The following ATP8A1 variants were observed in gnomAD, a reference collection of about 807,000 sequenced individuals.
ATP8A1 encodes phospholipid-transporting ATPase IA.
In ATP8A1, 90 loss-of-function variants were observed where a neutral mutation model predicts 177.7. The ratio of observed to expected loss-of-function variants is 0.51; its 90% CI spans 0.43 to 0.60. The LOEUF is 0.60. Among genes scored for constraint, ATP8A1 ranks in the 20% least tolerant of loss-of-function variants. The pLI, the probability that ATP8A1 is intolerant of heterozygous loss-of-function variation, is 0.00. For synonymous variants in ATP8A1, 493 were observed against 485.9 expected (o/e 1.01, Z -0.19); for missense variants, 1,072 against 1,392.8 (o/e 0.77, Z 3.67).
At chr4:42,518,356 T>C (rs1213329281) in intron 22 of ATP8A1, among the ~76,000 whole-genome samples, 2 of 152,180 alleles carry the variant, frequency 1.3e-5, no homozygotes, top group African/African-American at 2.4e-5. Flanking sequence ...ACGGGCACAA[T>C]GATGTACTGA....
Position 42,505,017 on chromosome 4 carries a change from C to T in ATP8A1, c.2087-1503G>A, listed in dbSNP as rs78785864. Among the ~76,000 whole-genome samples the T allele has an allele frequency of 2.3e-3, 347 of 152,340 alleles. 3 individuals carry two copies. The highest frequency in any genetic ancestry group is 7.9e-3 in the African/African-American group (330 of 41,572). On this transcript the variant is annotated intron_variant, in intron 23 of 36. Transcript: ENST00000381668. ...TCTCAATAAGTTCTTCCTGACTGTG[C>T]TATTTAAAACTGAATCCCTCTGTGC...
chr4:42,606,661 T>C (rs1032989110), intron 5 of ATP8A1, among the ~76,000 whole-genome samples: 6 of 152,208 alleles, frequency 3.9e-5, no homozygotes, highest in Non-Finnish European at 8.8e-5. Flanking sequence ...TTGCCCTGTG[T>C]GAGACAACTC....
intron 20 of ATP8A1, among the ~76,000 whole-genome samples, chr4:42,525,198 G>A (rs1171917282): frequency 5.9e-5 from 9 of 152,234 alleles, no homozygotes; most frequent in Middle Eastern, 6.8e-3. Context: ...AAGGAAGAAC[G>A]GTCCAGAACT....
At chr4:42,575,913 C>T (rs1415603227) in intron 12 of ATP8A1, among the ~76,000 whole-genome samples, 2 of 152,122 alleles carry the variant, frequency 1.3e-5, no homozygotes, top group Non-Finnish European at 2.9e-5. Flanking sequence ...AAGGGCAGAA[C>T]AGTATGGTAG....
chr4:42,458,433 G>T (rs969258518), intron 27 of ATP8A1, among the ~76,000 whole-genome samples: 1 of 152,142 alleles, frequency 6.6e-6, no homozygotes, highest in Non-Finnish European at 1.5e-5. Context: ...ACTTGGATGT[G>T]ACCAATCATT....
intron 35 of ATP8A1, among the ~76,000 whole-genome samples, chr4:42,416,174 C>CT (rs1713220195): frequency 6.6e-6 from 1 of 152,150 alleles, no homozygotes; most frequent in Admixed American, 6.5e-5. Flanking sequence ...CCCATGGACC[C>CT]TGAGGGACAC....
chr4:42,463,332 T>C (rs990484678), intron 27 of ATP8A1, among the ~76,000 whole-genome samples: 6 of 152,162 alleles, frequency 3.9e-5, no homozygotes, highest in Non-Finnish European at 5.9e-5. Context: ...TGATAGTGAA[T>C]AACCATCTTG....
chr4:42,574,151 C>G (rs1334026451), intron 14 of ATP8A1, among the ~76,000 whole-genome samples: 1 of 152,084 alleles, frequency 6.6e-6, no homozygotes, highest in African/African-American at 2.4e-5. Context: ...TTTCATGTCT[C>G]TACCTCCTTT....
chr4:42,563,906 C>A (rs1475398594), intron 15 of ATP8A1, among the ~76,000 whole-genome samples: 1 of 152,162 alleles, frequency 6.6e-6, no homozygotes, highest in African/African-American at 2.4e-5. Context: ...ACCAGCCCAG[C>A]CAACTGGGGA....
chr4:42,428,197 T>A (rs1018262612), intron 33 of ATP8A1, among the ~76,000 whole-genome samples: 3 of 152,340 alleles, frequency 2.0e-5, no homozygotes, highest in Admixed American at 1.3e-4. Flanking sequence ...GCAGTTTGTA[T>A]CATCATTCAT....
chr4:42,444,472 A>G (rs1318336849), intron 32 of ATP8A1, 106 bp downstream of exon 32: 2 of 1,080,400 alleles, frequency 1.9e-6, no homozygotes, highest in African/African-American at 3.1e-5. Context: ...GGACTAGGAC[A>G]TATTAACCTG....
intron 24 of ATP8A1, among the ~76,000 whole-genome samples, chr4:42,497,633 G>A (rs1464523096): frequency 1.3e-5 from 2 of 152,086 alleles, no homozygotes; most frequent in South Asian, 2.1e-4. Context: ...AGCCAGCCTC[G>A]CTGAATTTTG....
intron 14 of ATP8A1, among the ~76,000 whole-genome samples, chr4:42,573,273 A>G (rs1028172718): frequency 2.0e-5 from 3 of 152,224 alleles, no homozygotes; most frequent in African/African-American, 4.8e-5. Context: ...ATGAATGAAT[A>G]CAGAATTTGT....
intron 24 of ATP8A1, among the ~76,000 whole-genome samples, chr4:42,502,221 G>A (rs1364526058): frequency 6.6e-6 from 1 of 152,078 alleles, no homozygotes; most frequent in Non-Finnish European, 1.5e-5. Context: ...TTCAACTTGA[G>A]ACTCCTACCA....
At chr4:42,422,602 A>G (rs913473946) in intron 35 of ATP8A1, among the ~76,000 whole-genome samples, 3 of 152,168 alleles carry the variant, frequency 2.0e-5, no homozygotes, top group Non-Finnish European at 4.4e-5. Flanking sequence ...GAGGAAATTG[A>G]GGCTCAGTAG....
intron 9 of ATP8A1, among the ~76,000 whole-genome samples, chr4:42,583,060 C>G (rs975952711): frequency 2.0e-4 from 31 of 152,172 alleles, no homozygotes; most frequent in African/African-American, 7.5e-4. Context: ...CAACACAGAA[C>G]TTCTTTGTAA....
intron 7 of ATP8A1, chr4:42,588,607 A>G (rs929975292): frequency 2.3e-5 from 6 of 260,420 alleles, no homozygotes; most frequent in Non-Finnish European, 3.7e-5. Flanking sequence ...AGATTTGCAC[A>G]TTATATTTAA....
chr4:42,578,534 C>G, intron 11 of ATP8A1, 147 bp from the exon 12 acceptor site: 1 of 845,736 alleles, frequency 1.2e-6, no homozygotes, highest in Non-Finnish European at 1.8e-6. Flanking sequence ...TCCTAATTCT[C>G]AAGTACATCC....
intron 5 of ATP8A1, among the ~76,000 whole-genome samples, chr4:42,612,701 G>T (rs1472241587): frequency 6.6e-6 from 1 of 151,886 alleles, no homozygotes; most frequent in Non-Finnish European, 1.5e-5. Flanking sequence ...TTCTGAGTTA[G>T]GTCTCAGCTC....
Sources: gnomAD v4.1 joint callset for allele counts (sites outside exome capture counted in the v4.1 genomes callset) on GRCh38, gnomAD v4.1.1 for gene constraint, MANE v1.5 for transcripts, NCBI Gene and HGNC (gene_info 2026-07-23, HGNC 2026-07-21) for gene names.